The following KCNIP4 variants were observed in gnomAD, a reference collection of about 807,000 sequenced individuals.
KCNIP4 encodes Kv channel-interacting protein 4.
In KCNIP4, 12 loss-of-function variants were observed where a neutral mutation model predicts 34.0. The observed-to-expected ratio is 0.35, with a 90% CI of 0.23 to 0.57. KCNIP4 has a LOEUF of 0.57. KCNIP4 is among the 20% of genes least tolerant of loss of function. The pLI, the probability that KCNIP4 is intolerant of heterozygous loss-of-function variation, is 0.83. For synonymous variants in KCNIP4, 124 were observed against 102.2 expected (o/e 1.21, Z -1.29); for missense variants, 238 against 311.7 (o/e 0.76, Z 1.78).
In KCNIP4 at chr4:21,247,737, T is replaced by TATATATATATATAC. The variant is rs760234184; in HGVS notation, c.62-365029_62-365028insGTATATATATATAT. On this transcript the variant is annotated intron_variant, in intron 1 of 8. Transcript: ENST00000382152. ...AAAGCAAAAGCAATCCACAGGTGGA[T>TATATATATATATAC]ATATATATATATATATATATATACA... 6.4e-4 allele frequency among the ~76,000 whole-genome samples: 70 copies of TATATATATATATAC among 110,158 alleles called. 1 individual carries two copies. Among genetic ancestry groups the TATATATATATATAC allele is most frequent in the African/African-American group, 3.0e-3 (66 of 22,226 alleles). 72.3% of individuals were successfully genotyped at this position (110,158 alleles called of 152,430 possible).
chr4:21,362,116 G>A (rs113592338), intron 1 of KCNIP4, among the ~76,000 whole-genome samples: 1 of 152,114 alleles, frequency 6.6e-6, no homozygotes, highest in Non-Finnish European at 1.5e-5. Flanking sequence ...TGCACAATTC[G>A]AGGAAATAGT....
At position 20,872,937 on chromosome 4, in the gene KCNIP4, A is replaced by G. The variant is rs190149651; in HGVS notation, c.163+9671T>C. Among the ~76,000 whole-genome samples, 375 of 152,238 alleles carry G rather than the reference A, an allele frequency of 2.5e-3. 2 individuals are homozygous for G. Among genetic ancestry groups the G allele is most frequent in the Non-Finnish European group, 4.5e-3 (305 of 68,000 alleles). On this transcript the variant is annotated intron_variant, in intron 2 of 8. Coordinates refer to ENST00000382152, the MANE Select transcript of KCNIP4 (RefSeq NM_025221.6). The stretch of plus-strand genomic sequence containing the variant: ...CCAAGATGTCTAAAATAAAACTACC[A>G]TCTCTCCCTAACTGACCTTCATGGC...
At chr4:21,587,457 T>C (rs777918233) in intron 1 of KCNIP4, among the ~76,000 whole-genome samples, 1 of 152,062 alleles carries the variant, frequency 6.6e-6, no homozygotes, top group Non-Finnish European at 1.5e-5. Flanking sequence ...ATTTTCAAAA[T>C]AGAAAGACAG....
intron 1 of KCNIP4, among the ~76,000 whole-genome samples, chr4:21,371,542 A>G (rs2109441092): frequency 6.8e-6 from 1 of 146,178 alleles, no homozygotes; most frequent in South Asian, 2.1e-4. Context: ...CACTTGATAT[A>G]ATAAAGATAA....
At chr4:21,640,574 T>C (rs1268433331) in intron 1 of KCNIP4, among the ~76,000 whole-genome samples, 1 of 152,200 alleles carries the variant, frequency 6.6e-6, no homozygotes, top group African/African-American at 2.4e-5. Context: ...GGCCAGCTTC[T>C]GATCCATGTT....
chr4:20,739,590 G>A (rs11723649), intron 5 of KCNIP4, among the ~76,000 whole-genome samples: 6,589 of 152,140 alleles, frequency 0.043, 192 homozygotes, highest in Middle Eastern at 0.065. Context: ...CCATCTTTAG[G>A]TCACCATCAT....
intron 2 of KCNIP4, among the ~76,000 whole-genome samples, chr4:20,867,377 T>C (rs1722980806): frequency 6.6e-6 from 1 of 151,932 alleles, no homozygotes. Flanking sequence ...GTCACACGCC[T>C]ACCACCGTCT....
At chr4:21,517,001 G>A (rs1734821431) in intron 1 of KCNIP4, among the ~76,000 whole-genome samples, 1 of 152,120 alleles carries the variant, frequency 6.6e-6, no homozygotes, top group Non-Finnish European at 1.5e-5. Flanking sequence ...AGAATGTGAT[G>A]TAGCATGCCT....
chr4:21,619,742 A>G (rs1299977499), intron 1 of KCNIP4, among the ~76,000 whole-genome samples: 1 of 152,234 alleles, frequency 6.6e-6, no homozygotes, highest in East Asian at 1.9e-4. Context: ...CCAGGACTTT[A>G]GCTGGTATGA....
At chr4:21,774,222 C>T (rs11936372) in intron 1 of KCNIP4, among the ~76,000 whole-genome samples, 23,934 of 151,888 alleles carry the variant, frequency 0.16, 5,737 homozygotes, top group African/African-American at 0.52. Flanking sequence ...TATGAAACGC[C>T]GGGTTGAAAA....
At chr4:21,372,438 A>T (rs1372071093) in intron 1 of KCNIP4, among the ~76,000 whole-genome samples, 1 of 81,764 alleles carries the variant, frequency 1.2e-5, no homozygotes, top group African/African-American at 4.3e-5. Context: ...ATAGATGTGT[A>T]TATATATGTG....
Position 21,921,602 on chromosome 4 carries a change from G to A in KCNIP4, c.61+26969C>T, listed in dbSNP as rs924525570. ...AGTTTTCCCCATGTCAGTAAGCAAG[G>A]CCACCACCCATGCAGTAGCTCAAGC... On this transcript the variant is annotated intron_variant, in intron 1 of 8. Coordinates refer to ENST00000382152, the MANE Select transcript of KCNIP4 (RefSeq NM_025221.6). 2.0e-5 allele frequency among the ~76,000 whole-genome samples: 3 copies of A among 151,926 alleles called. No individual in the cohort carries two copies. In the East Asian group the frequency reaches 5.8e-4, roughly 29 times the overall value.
chr4:21,684,612 T>G (rs548763443), intron 1 of KCNIP4, among the ~76,000 whole-genome samples: 1 of 152,130 alleles, frequency 6.6e-6, no homozygotes, highest in African/African-American at 2.4e-5. Context: ...ATACTTTATA[T>G]CCTAGGAAAA....
At chr4:20,849,256 A>C (rs1195358803) in intron 3 of KCNIP4, among the ~76,000 whole-genome samples, 1 of 152,002 alleles carries the variant, frequency 6.6e-6, no homozygotes, top group African/African-American at 2.4e-5. Context: ...CAGATGATCA[A>C]ATTTTGGAGA....
intron 1 of KCNIP4, among the ~76,000 whole-genome samples, chr4:21,335,316 A>G (rs1168681403): frequency 6.6e-6 from 1 of 152,008 alleles, no homozygotes; most frequent in Non-Finnish European, 1.5e-5. Flanking sequence ...AAAACTTATA[A>G]TGCTCTTAGT....
intron 1 of KCNIP4, among the ~76,000 whole-genome samples, chr4:21,060,387 T>C (rs1195511084): frequency 3.9e-5 from 6 of 152,192 alleles, no homozygotes; most frequent in Non-Finnish European, 8.8e-5. Flanking sequence ...ATTAGGGGCA[T>C]AAATTACTAT....
chr4:20,962,395 C>T lies in KCNIP4; in HGVS notation c.62-79686G>A, dbSNP rs112233445. ...TCTTGCACTAACCAAAGCCTCCCAC[C>T]TGGCTTCCATCATTAACAGAGACCT... On this transcript the variant is annotated intron_variant, in intron 1 of 8. Transcript: ENST00000382152. Among the ~76,000 whole-genome samples the T allele has an allele frequency of 9.8e-5, 15 of 152,350 alleles. 2 individuals are homozygous for T. Among genetic ancestry groups the T allele is most frequent in the African/African-American group, 3.6e-4 (15 of 41,586 alleles).
At chr4:21,071,907 C>T (rs1030262059) in intron 1 of KCNIP4, among the ~76,000 whole-genome samples, 6 of 151,996 alleles carry the variant, frequency 3.9e-5, no homozygotes, top group African/African-American at 1.5e-4. Flanking sequence ...GTTTTTTGTC[C>T]TTGCGATAGT....
At chr4:21,293,247 G>A (rs1431087018) in intron 1 of KCNIP4, among the ~76,000 whole-genome samples, 1 of 152,162 alleles carries the variant, frequency 6.6e-6, no homozygotes, top group Non-Finnish European at 1.5e-5. Flanking sequence ...CTTAACAACA[G>A]TGACCAATTT....
Sources: allele counts gnomAD v4.1 joint callset (sites outside exome capture counted in the v4.1 genomes callset), GRCh38; gene constraint gnomAD v4.1.1; transcripts MANE v1.5; gene names NCBI Gene and HGNC (gene_info 2026-07-23, HGNC 2026-07-21).